Variants in GRK7 observed in about 807,000 individuals in gnomAD.
GRK7 encodes G protein-coupled receptor kinase 7.
In GRK7, 24 loss-of-function variants were observed where a neutral mutation model predicts 34.1. That is an observed-to-expected ratio of 0.70 (90% CI 0.51 to 0.99). GRK7 has a LOEUF of 0.99. Ranked by LOEUF, GRK7 falls within the 50% of genes least tolerant of loss-of-function variation. The probability of loss-of-function intolerance (pLI) is 0.00; values close to 1 mark genes in which losing one functional copy is unlikely to be tolerated. For missense variants in GRK7, 644 were observed against 707.3 expected (o/e 0.91, Z 1.02); for synonymous variants, 256 against 279.4 (o/e 0.92, Z 0.84).
At chr3:141,767,178 T>G (rs569693919) in intron 1 of GRK7, among the ~76,000 whole-genome samples, 2 of 152,268 alleles carry the variant, frequency 1.3e-5, no homozygotes, top group African/African-American at 4.8e-5. Context: ...ATGTGCAACT[T>G]CTCCTATCTT....
At position 141,817,886 on chromosome 3, in the gene GRK7, T is replaced by G. The variant is rs576959929; in HGVS notation, c.*836T>G. On this transcript the variant is annotated 3_prime_UTR_variant, in exon 6 of 6. Transcript: ENST00000682958. Reference sequence around the variant, plus strand: ...GAGAACAGCTTGACCATTTAGAATTTCAGAAGCTCCCCAGGTGATTCTAAT... The same window carrying G: ...GAGAACAGCTTGACCATTTAGAATTGCAGAAGCTCCCCAGGTGATTCTAAT... 6.6e-6 allele frequency: 1 copy of G among 152,304 alleles called. No homozygotes were observed. The highest frequency in any genetic ancestry group is 2.1e-4 in the South Asian group (1 of 4,828). The allele number at this position is 152,304 out of a possible 1,614,324, so 9.4% of individuals were successfully genotyped here. A position where few individuals can be genotyped will look rare whatever the true frequency, so the allele number is the denominator to read the frequency against.
intron 4 of GRK7, among the ~76,000 whole-genome samples, chr3:141,783,460 A>G (rs540483966): frequency 5.7e-4 from 86 of 150,106 alleles, no homozygotes; most frequent in African/African-American, 2.0e-3. Flanking sequence ...GATATTGAGC[A>G]GGTAACTAGC....
chr3:141,773,918 A>G (rs1201713230), intron 1 of GRK7, among the ~76,000 whole-genome samples: 1 of 152,222 alleles, frequency 6.6e-6, no homozygotes, highest in Non-Finnish European at 1.5e-5. Context: ...TTTCCCAAGC[A>G]GTGCTGGACT....
At chr3:141,814,236 C>A (rs145900172) in intron 5 of GRK7, among the ~76,000 whole-genome samples, 8 of 147,484 alleles carry the variant, frequency 5.4e-5, no homozygotes, top group African/African-American at 2.0e-4. Flanking sequence ...AAAAAAAAAT[C>A]TTTTATTTTA....
At chr3:141,804,941 TCACATACA>T (rs1030102647) in intron 4 of GRK7, among the ~76,000 whole-genome samples, 13 of 146,234 alleles carry the variant, frequency 8.9e-5, no homozygotes, top group Admixed American at 5.4e-4. Flanking sequence ...ACACATACAC[TCACATACA>T]CACATACACA....
At chr3:141,771,248 T>G (rs1014191206) in intron 1 of GRK7, among the ~76,000 whole-genome samples, 2 of 152,136 alleles carry the variant, frequency 1.3e-5, no homozygotes, top group African/African-American at 4.8e-5. Flanking sequence ...TATCCATACA[T>G]GGAATACTAC....
Position 141,807,650 on chromosome 3 carries a change from A to C in GRK7, c.1056A>C (p.Gly352=). Residue 352 remains glycine (G), a synonymous_variant, in exon 5 of 6, where the codon GGA becomes GGC. Transcript: ENST00000682958. ...KGGKPITQRA[G]TNGYMAPEIL... is the part of the protein sequence containing the mutation. ...TTTTGTTTGGGATGTTACAGGCTGGAACCAATGGTTACATGGCTCCTGAGA... is the reference window on the plus strand; with the variant it reads ...TTTTGTTTGGGATGTTACAGGCTGGCACCAATGGTTACATGGCTCCTGAGA... The C allele has an allele frequency of 2.5e-6, 4 of 1,613,980 alleles. No homozygotes were observed. In the South Asian group the frequency reaches 4.4e-5, roughly 18 times the overall value.
chr3:141,818,624 T>A lies in GRK7; in HGVS notation c.*1574T>A, dbSNP rs1185265872. Reference sequence around the variant, plus strand: ...TCAAAAGCACAGCCAAGGTGAGAATTCTACAGCTGCGAAAAAATATTTGGG... The same window carrying A: ...TCAAAAGCACAGCCAAGGTGAGAATACTACAGCTGCGAAAAAATATTTGGG... On this transcript the variant is annotated 3_prime_UTR_variant, in exon 6 of 6. Coordinates refer to ENST00000682958, the MANE Select transcript of GRK7 (RefSeq NM_139209.3). 6.6e-6 allele frequency: 1 copy of A among 152,240 alleles called. No homozygotes were observed. Among genetic ancestry groups the A allele is most frequent in the Non-Finnish European group, 1.5e-5 (1 of 68,040 alleles). 9.4% of individuals were successfully genotyped at this position (152,240 alleles called of 1,614,324 possible). A position where few individuals can be genotyped will look rare whatever the true frequency, so the allele number is the denominator to read the frequency against.
intron 4 of GRK7, among the ~76,000 whole-genome samples, chr3:141,806,091 T>C (rs538023769): frequency 6.6e-6 from 1 of 152,344 alleles, no homozygotes; most frequent in African/African-American, 2.4e-5. Flanking sequence ...TTTGGGTGTT[T>C]CCAGCTCGTG....
chr3:141,780,593 T>C lies in GRK7; in HGVS notation c.832T>C (p.Phe278Leu). Reference sequence around the variant, plus strand: ...CCTGATGAATGGGGGAGACCTCAAGTTCCACATCTACAACGTGGGCACGCG... The same window carrying C: ...CCTGATGAATGGGGGAGACCTCAAGCTCCACATCTACAACGTGGGCACGCG... ...MSLMNGGDLK[F>L]HIYNVGTRGL... The change falls in exon 4 of 6, where the codon TTC (phenylalanine) becomes CTC (leucine). Residue 278 changes from phenylalanine (F) to leucine (L), a missense_variant. By Grantham distance (22) the Phe-to-Leu change is conservative. Transcript: ENST00000682958. The C allele has an allele frequency of 6.2e-7, 1 of 1,614,194 alleles. No homozygotes were observed. The highest frequency in any genetic ancestry group is 8.5e-7 in the Non-Finnish European group (1 of 1,180,034).
chr3:141,751,121 G>A, the GRK7 span, among the ~76,000 whole-genome samples: 1,006 of 152,286 alleles, frequency 6.6e-3, 8 homozygotes, highest in African/African-American at 0.023. Context: ...TTCAGCACAG[G>A]TGAAATGTTC....
At chr3:141,802,194 GA>G (rs908067497) in intron 4 of GRK7, among the ~76,000 whole-genome samples, 88 of 151,340 alleles carry the variant, frequency 5.8e-4, no homozygotes, top group Middle Eastern at 3.4e-3. Context: ...CTGTACCAAA[GA>G]AAAAAAAATT....
chr3:141,801,824 G>C (rs920645151), intron 4 of GRK7, among the ~76,000 whole-genome samples: 1 of 152,078 alleles, frequency 6.6e-6, no homozygotes, highest in African/African-American at 2.4e-5. Flanking sequence ...GTTGAAGCCA[G>C]GTGAAGACTA....
the GRK7 span, among the ~76,000 whole-genome samples, chr3:141,753,818 TTAACA>T: frequency 2.0e-5 from 3 of 152,230 alleles, no homozygotes; most frequent in East Asian, 3.8e-4. Context: ...AAATACTATA[TTAACA>T]TAATTGGTAC....
At chr3:141,773,325 C>G (rs936135291) in intron 1 of GRK7, among the ~76,000 whole-genome samples, 1 of 151,836 alleles carries the variant, frequency 6.6e-6, no homozygotes, top group East Asian at 1.9e-4. Flanking sequence ...TGGGGCATCA[C>G]AGTTTTCCGA....
In GRK7 at chr3:141,779,952, C is replaced by T. The variant is rs531180393; in HGVS notation, c.613-422C>T. 2.0e-5 allele frequency among the ~76,000 whole-genome samples: 3 copies of T among 152,302 alleles called. No individual in the cohort carries two copies. The South Asian group carries it at 6.2e-4, about 32-fold the overall frequency. ...CACTTGGGCTGTTTTCACCTTTTGG[C>T]TATTGTGTATGGTGCTGCTATTCAT... On this transcript the variant is annotated intron_variant, in intron 3 of 5. Transcript: ENST00000682958.
chr3:141,804,966 TCA>T lies in GRK7; in HGVS notation c.1051-2676_1051-2675del, dbSNP rs377096841. Among the ~76,000 whole-genome samples the T allele has an allele frequency of 4.2e-3, 618 of 146,374 alleles. 7 individuals carry two copies. The highest frequency in any genetic ancestry group is 0.015 in the African/African-American group (600 of 39,442). ...TCACATACACACATACACACCACACTCACATACACACACCCACTCGCACACAC... is the reference window on the plus strand; with the variant it reads ...TCACATACACACATACACACCACACTCATACACACACCCACTCGCACACAC... On this transcript the variant is annotated intron_variant, in intron 4 of 5. Coordinates refer to ENST00000682958, the MANE Select transcript of GRK7 (RefSeq NM_139209.3).
rs539598547 is a variant in GRK7 at position 141,790,846 on chromosome 3, A to G, written c.1050+10035A>G. ...CTCAAAGTGCTGGGATTACAGGCGT[A>G]AGCCACCGCGCCCGGTCAACATGCA... is the stretch of plus-strand genomic sequence containing the variant. On this transcript the variant is annotated intron_variant, in intron 4 of 5. Coordinates refer to ENST00000682958, the MANE Select transcript of GRK7 (RefSeq NM_139209.3). 9.9e-5 allele frequency among the ~76,000 whole-genome samples: 15 copies of G among 152,144 alleles called. 1 individual carries two copies. Among genetic ancestry groups the G allele is most frequent in the African/African-American group, 3.6e-4 (15 of 41,534 alleles).
chr3:141,809,342 G>C (rs6809291), intron 5 of GRK7, among the ~76,000 whole-genome samples: 88,890 of 151,960 alleles, frequency 0.58, 26,122 homozygotes, highest in Middle Eastern at 0.71. Flanking sequence ...AAATATTTAT[G>C]ATATTGCCAA....
Sources: gnomAD v4.1 joint callset for allele counts (sites outside exome capture counted in the v4.1 genomes callset) on GRCh38, gnomAD v4.1.1 for gene constraint, MANE v1.5 for transcripts, NCBI Gene and HGNC (gene_info 2026-07-23, HGNC 2026-07-21) for gene names.